Variants in SERINC5 observed in about 807,000 individuals in gnomAD.
The protein encoded by SERINC5 is chromosome 5 open reading frame 12.
In SERINC5, 41 loss-of-function variants were observed where a neutral mutation model predicts 63.1. The ratio of observed to expected loss-of-function variants is 0.65; its 90% CI spans 0.51 to 0.84. SERINC5 has a LOEUF of 0.84. Ranked by LOEUF, SERINC5 falls within the 40% of genes least tolerant of loss-of-function variation. The pLI is 0.00. For missense variants in SERINC5, 523 were observed against 573.0 expected (o/e 0.91, Z 0.89); for synonymous variants, 222 against 215.2 (o/e 1.03, Z -0.28).
chr5:80,115,947 A>C (rs1744307789), intron 11 of SERINC5, among the ~76,000 whole-genome samples: 4 of 152,106 alleles, frequency 2.6e-5, no homozygotes, highest in Admixed American at 6.5e-5. Flanking sequence ...AGGAGTCCTT[A>C]ATGAGTTCGT....
chr5:80,149,961 G>A (rs1222005932), intron 9 of SERINC5, among the ~76,000 whole-genome samples: 1 of 152,172 alleles, frequency 6.6e-6, no homozygotes, highest in Non-Finnish European at 1.5e-5. Flanking sequence ...CAGACATTTT[G>A]TTGACTGATA....
intron 2 of SERINC5, among the ~76,000 whole-genome samples, chr5:80,197,901 G>A (rs993303820): frequency 6.6e-5 from 10 of 152,172 alleles, no homozygotes; most frequent in Non-Finnish European, 1.3e-4. Flanking sequence ...GTGCAGTGCC[G>A]GGATCTCGGC....
rs1357452665 is a variant in SERINC5 at position 80,211,841 on chromosome 5, C to T, written c.28-8788G>A. 2.0e-5 allele frequency among the ~76,000 whole-genome samples: 3 copies of T among 152,198 alleles called. No homozygotes were observed. The East Asian group carries it at 5.8e-4, about 29-fold the overall frequency. On this transcript the variant is annotated intron_variant, in intron 1 of 11. Transcript: ENST00000507668. Reference sequence around the variant, plus strand: ...CCAGGCAGCACATATGTTCTGTTACCTTCATTCCACTTAGGAATGAAAGAA... The same window carrying T: ...CCAGGCAGCACATATGTTCTGTTACTTTCATTCCACTTAGGAATGAAAGAA...
chr5:80,203,085 G>C (rs1193187068), intron 1 of SERINC5, 32 bp from the exon 2 acceptor site: 6 of 1,556,876 alleles, frequency 3.9e-6, no homozygotes, highest in Non-Finnish European at 5.2e-6. Context: ...TCTGCTTAGA[G>C]CATGATACTG....
rs76504495 is a variant in SERINC5, at chr5:80,130,631, C to G, written c.1238+15459G>C. Among the ~76,000 whole-genome samples the G allele has an allele frequency of 8.1e-3, 1,234 of 152,338 alleles. 13 individuals are homozygous for G. Among genetic ancestry groups the G allele is most frequent in the Middle Eastern group, 0.054 (16 of 294 alleles). Reference sequence around the variant, plus strand: ...TGCCTAGAAGGATATCATCCACTATCTACCTAAGTATCACCCTTTCCTATG... The same window carrying G: ...TGCCTAGAAGGATATCATCCACTATGTACCTAAGTATCACCCTTTCCTATG... On this transcript the variant is annotated intron_variant, in intron 11 of 12. Coordinates refer to the SERINC5 transcript ENST00000509193.
intron 1 of SERINC5, among the ~76,000 whole-genome samples, chr5:80,221,516 G>A (rs1463486647): frequency 1.3e-5 from 2 of 152,144 alleles, no homozygotes; most frequent in African/African-American, 4.8e-5. Context: ...CACATCCTTA[G>A]GAGAGATGAA....
intron 4 of SERINC5, among the ~76,000 whole-genome samples, chr5:80,175,905 G>A (rs1235012106): frequency 4.1e-5 from 6 of 145,908 alleles, no homozygotes; most frequent in African/African-American, 1.3e-4. Context: ...TTGGCCGGCC[G>A]CAGTGGCTCA....
At position 80,140,493 on chromosome 5, in the gene SERINC5, CTA is replaced by C; in HGVS notation, c.*3168_*3169del. On this transcript the variant is annotated 3_prime_UTR_variant, in exon 12 of 12. Coordinates refer to ENST00000507668, the MANE Select transcript of SERINC5 (RefSeq NM_001174072.3). ...ACCCTCCCCACAACCCACCCCCACT[CTA>C]TCTCCCCTTCAAAGAGGCTCCAAAT... The C allele has an allele frequency of 3.1e-6, 3 of 976,594 alleles. No homozygotes were observed. The highest frequency in any genetic ancestry group is 3.6e-6 in the Non-Finnish European group (3 of 822,636). The allele number at this position is 976,594 out of a possible 1,614,324, so 60.5% of individuals were successfully genotyped here. A position where few individuals can be genotyped will look rare whatever the true frequency, so the allele number is the denominator to read the frequency against.
At chr5:80,214,921 T>C (rs942172741) in intron 1 of SERINC5, among the ~76,000 whole-genome samples, 2 of 152,162 alleles carry the variant, frequency 1.3e-5, no homozygotes, top group African/African-American at 4.8e-5. Context: ...AGATGGTAAA[T>C]TTTATGTATG....
chr5:80,247,819 T>C (rs1228382013), intron 1 of SERINC5, among the ~76,000 whole-genome samples: 1 of 152,152 alleles, frequency 6.6e-6, no homozygotes, highest in Non-Finnish European at 1.5e-5. Context: ...CCATATATAC[T>C]GTGTTTTTTC....
At position 80,255,996 on chromosome 5, in the gene SERINC5, C is replaced by G; in HGVS notation, c.-74G>C. On this transcript the variant is annotated 5_prime_UTR_variant, in exon 1 of 12. Transcript: ENST00000507668. ...GGGCCCTCCTGGCTGCCTCGCGCCTCGAGCGCTGGGCTCAGCCGCAGCTCA... is the reference window on the plus strand; with the variant it reads ...GGGCCCTCCTGGCTGCCTCGCGCCTGGAGCGCTGGGCTCAGCCGCAGCTCA... The G allele has an allele frequency of 2.2e-6, 3 of 1,390,700 alleles. No homozygotes were observed. The highest frequency in any genetic ancestry group is 1.5e-5 in the African/African-American group (1 of 66,150). The allele number at this position is 1,390,700 out of a possible 1,614,324, so 86.1% of individuals were successfully genotyped here. A position where few individuals can be genotyped will look rare whatever the true frequency, so the allele number is the denominator to read the frequency against.
At chr5:80,151,556 C>G (rs1413333860) in intron 8 of SERINC5, among the ~76,000 whole-genome samples, 1 of 149,730 alleles carries the variant, frequency 6.7e-6, no homozygotes, top group African/African-American at 2.6e-5. Context: ...AGTGGTGGCT[C>G]ATGCCTGTAA....
intron 2 of SERINC5, among the ~76,000 whole-genome samples, chr5:80,184,180 T>C (rs1026775710): frequency 6.6e-6 from 1 of 152,194 alleles, no homozygotes; most frequent in African/African-American, 2.4e-5. Context: ...CTTCATTCAT[T>C]AGGCTGTTTC....
intron 4 of SERINC5, 26 bp from the exon 5 acceptor site, chr5:80,175,073 T>C: frequency 3.4e-6 from 5 of 1,491,606 alleles, no homozygotes; most frequent in Non-Finnish European, 4.6e-6. Flanking sequence ...AAGAACACAA[T>C]GAGGCAACCT....
intron 1 of SERINC5, among the ~76,000 whole-genome samples, chr5:80,206,133 A>T (rs1750152156): frequency 6.6e-6 from 1 of 152,102 alleles, no homozygotes; most frequent in Non-Finnish European, 1.5e-5. Flanking sequence ...ATTACCATAA[A>T]CTGCAGATTA....
At chr5:80,208,445 C>T (rs74500934) in intron 1 of SERINC5, among the ~76,000 whole-genome samples, 6 of 151,960 alleles carry the variant, frequency 3.9e-5, no homozygotes, top group African/African-American at 1.5e-4. Flanking sequence ...GCCTGCCCCC[C>T]CAAACGACTC....
At chr5:80,194,121 G>A (rs1006169628) in intron 2 of SERINC5, among the ~76,000 whole-genome samples, 6 of 152,260 alleles carry the variant, frequency 3.9e-5, no homozygotes, top group African/African-American at 9.6e-5. Context: ...CAGTTGCTAC[G>A]CAGAAAGAGA....
intron 12 of SERINC5, among the ~76,000 whole-genome samples, chr5:80,112,392 C>CAT (rs2112213673): frequency 6.6e-6 from 1 of 152,150 alleles, no homozygotes. Context: ...CCTTTGCTCA[C>CAT]GTTTTCTTGC....
In SERINC5 at chr5:80,255,963, C is replaced by G; in HGVS notation, c.-41G>C. 3 of 1,506,814 alleles carry G rather than the reference C, an allele frequency of 2.0e-6. No homozygotes were observed. The highest frequency in any genetic ancestry group is 2.6e-6 in the Non-Finnish European group (3 of 1,135,504). The allele number at this position is 1,506,814 out of a possible 1,614,324, so 93.3% of individuals were successfully genotyped here. A position where few individuals can be genotyped will look rare whatever the true frequency, so the allele number is the denominator to read the frequency against. ...CGAAGGCGCGCTCGCTGGCTCCCCG[C>G]GCCGCACGGGCCCTCCTGGCTGCCT... On this transcript the variant is annotated 5_prime_UTR_variant, in exon 1 of 12. Coordinates refer to ENST00000507668, the MANE Select transcript of SERINC5 (RefSeq NM_001174072.3).
Sources: allele counts gnomAD v4.1 joint callset (sites outside exome capture counted in the v4.1 genomes callset), GRCh38; gene constraint gnomAD v4.1.1; transcripts MANE v1.5; gene names NCBI Gene and HGNC (gene_info 2026-07-23, HGNC 2026-07-21).